The following CAMK1D variants were observed in gnomAD, a reference collection of about 807,000 sequenced individuals.
CAMK1D encodes the protein calcium/calmodulin-dependent protein kinase type 1D.
Under a neutral mutation model 47.7 loss-of-function variants are expected in CAMK1D, and 9 were observed. The observed-to-expected ratio is 0.19, with a 90% CI of 0.11 to 0.33. CAMK1D has a LOEUF of 0.33. Ranked by LOEUF, CAMK1D falls within the 10% of genes least tolerant of loss-of-function variation. The probability of loss-of-function intolerance (pLI) is 1.00; values close to 1 mark genes in which losing one functional copy is unlikely to be tolerated. For synonymous variants in CAMK1D, 184 were observed against 184.9 expected, an observed-to-expected ratio of 0.99 and a Z score of 0.04; for missense variants, 291 against 488.7, an observed-to-expected ratio of 0.60 and a Z score of 3.81.
At chr10:12,507,713 C>T (rs925421073) in intron 1 of CAMK1D, among the ~76,000 whole-genome samples, 11 of 152,184 alleles carry the variant, frequency 7.2e-5, no homozygotes, top group African/African-American at 1.7e-4. Flanking sequence ...CCCGGTCCCT[C>T]CCCTGTTTCT....
intron 6 of CAMK1D, among the ~76,000 whole-genome samples, chr10:12,813,230 T>A (rs1832674869): frequency 6.6e-6 from 1 of 152,238 alleles, no homozygotes; most frequent in South Asian, 2.1e-4. Context: ...GCCCTGCTGA[T>A]ACTTACTGCA....
In CAMK1D at chr10:12,829,448, G is replaced by A. The variant is rs1833379199; in HGVS notation, c.*561G>A. On this transcript the variant is annotated 3_prime_UTR_variant, in exon 11 of 11. Coordinates refer to ENST00000619168, the MANE Select transcript of CAMK1D (RefSeq NM_153498.4). ...GTATTTTTTAAAATTCTAATAAGAG[G>A]ATCAGCCGGGTGCAATGACTCATGC... is the stretch of plus-strand genomic sequence containing the variant. 6.6e-6 allele frequency: 1 copy of A among 152,214 alleles called. No individual in the cohort carries two copies. The highest frequency in any genetic ancestry group is 1.5e-5 in the Non-Finnish European group (1 of 68,034). 9.4% of individuals were successfully genotyped at this position (152,214 alleles called of 1,614,324 possible).
chr10:12,768,952 C>T (rs1343153260), intron 4 of CAMK1D, among the ~76,000 whole-genome samples: 1 of 152,212 alleles, frequency 6.6e-6, no homozygotes, highest in Non-Finnish European at 1.5e-5. Context: ...AAGACAGGAA[C>T]ACGGGGGCCA....
intron 1 of CAMK1D, among the ~76,000 whole-genome samples, chr10:12,488,136 G>C (rs1389221397): frequency 6.6e-6 from 1 of 152,176 alleles, no homozygotes; most frequent in Non-Finnish European, 1.5e-5. Flanking sequence ...GTACTTCACA[G>C]AGTTGGAAGT....
intron 1 of CAMK1D, among the ~76,000 whole-genome samples, chr10:12,427,959 G>C (rs546102583): frequency 1.7e-3 from 260 of 151,796 alleles, no homozygotes; most frequent in Non-Finnish European, 3.3e-3. Flanking sequence ...TCCCACCTTG[G>C]CCTGCCAAAG....
chr10:12,499,251 G>T (rs1353314420), intron 1 of CAMK1D, among the ~76,000 whole-genome samples: 1 of 152,114 alleles, frequency 6.6e-6, no homozygotes, highest in African/African-American at 2.4e-5. Context: ...AGGCTGAACT[G>T]ATGAGGTCAC....
In CAMK1D at chr10:12,705,494, A is replaced by G. The variant is rs191387560; in HGVS notation, c.299+38684A>G. On this transcript the variant is annotated intron_variant, in intron 3 of 10. Coordinates refer to ENST00000619168, the MANE Select transcript of CAMK1D (RefSeq NM_153498.4). ...GAAAAGAAAAGAAAAGAATAGAATA[A>G]TAGTGTACCATGCATCATAACAATA... Among the ~76,000 whole-genome samples the G allele has an allele frequency of 3.3e-5, 5 of 152,184 alleles. No homozygotes were observed. In the South Asian group the frequency reaches 6.2e-4, roughly 19 times the overall value.
intron 1 of CAMK1D, among the ~76,000 whole-genome samples, chr10:12,354,031 C>A (rs1837425963): frequency 6.6e-6 from 1 of 152,160 alleles, no homozygotes; most frequent in African/African-American, 2.4e-5. Context: ...GAAGTCACTT[C>A]TGCAATTTCC....
At chr10:12,417,925 C>A (rs1175424443) in intron 1 of CAMK1D, among the ~76,000 whole-genome samples, 1 of 152,088 alleles carries the variant, frequency 6.6e-6, no homozygotes, top group Non-Finnish European at 1.5e-5. Context: ...CCTCAGCCTC[C>A]CGAATAGCTG....
At chr10:12,569,206 T>A (rs1297886123) in intron 2 of CAMK1D, among the ~76,000 whole-genome samples, 1 of 152,200 alleles carries the variant, frequency 6.6e-6, no homozygotes, top group Non-Finnish European at 1.5e-5. Context: ...TTAATTTCCT[T>A]TTTTGGTAGC....
At chr10:12,605,996 T>C (rs1838448502) in intron 2 of CAMK1D, among the ~76,000 whole-genome samples, 2 of 152,182 alleles carry the variant, frequency 1.3e-5, no homozygotes, top group African/African-American at 4.8e-5. Flanking sequence ...AGAGAAGCAT[T>C]GCAAAGGTCA....
rs183030723 is a variant in CAMK1D at position 12,376,070 on chromosome 10, G to A, written c.92+26160G>A. On this transcript the variant is annotated intron_variant, in intron 1 of 10. Transcript: ENST00000619168. Reference sequence around the variant, plus strand: ...CCCAGCTACTCGGGAGGCTGAGGCCGGAGGATCACTTGAACCTGGGAGGTA... The same window carrying A: ...CCCAGCTACTCGGGAGGCTGAGGCCAGAGGATCACTTGAACCTGGGAGGTA... Among the ~76,000 whole-genome samples, 42 of 147,688 alleles carry A rather than the reference G, an allele frequency of 2.8e-4. 2 individuals are homozygous for A. The highest frequency in any genetic ancestry group is 1.3e-3 in the South Asian group (6 of 4,664).
chr10:12,751,092 AT>A (rs1242539019), intron 3 of CAMK1D, among the ~76,000 whole-genome samples: 2 of 99,274 alleles, frequency 2.0e-5, no homozygotes, highest in Non-Finnish European at 4.2e-5. Context: ...ATAAGATAAG[AT>A]AAGATAAGAT....
chr10:12,824,645 C>A, intron 9 of CAMK1D, 93 bp downstream of exon 9: 1 of 1,025,530 alleles, frequency 9.8e-7, no homozygotes, highest in Non-Finnish European at 1.5e-6. Flanking sequence ...CAGAACCTCA[C>A]CTGAATAATT....
chr10:12,477,221 G>C (rs7919218), intron 1 of CAMK1D, among the ~76,000 whole-genome samples: 4,502 of 152,182 alleles, frequency 0.03, 215 homozygotes, highest in African/African-American at 0.1. Flanking sequence ...TTCGAGTCCA[G>C]CCTGGCCAAC....
At chr10:12,467,486 T>C (rs1833627174) in intron 1 of CAMK1D, among the ~76,000 whole-genome samples, 1 of 152,128 alleles carries the variant, frequency 6.6e-6, no homozygotes, top group Non-Finnish European at 1.5e-5. Flanking sequence ...GCGACCAGGG[T>C]AACTTATGAA....
chr10:12,496,884 T>A (rs1834555454), intron 1 of CAMK1D, among the ~76,000 whole-genome samples: 1 of 152,010 alleles, frequency 6.6e-6, no homozygotes, highest in Non-Finnish European at 1.5e-5. Context: ...ATGCTCTCCT[T>A]CCCCCCACAG....
intron 2 of CAMK1D, among the ~76,000 whole-genome samples, chr10:12,649,249 A>G (rs2132505872): frequency 6.6e-6 from 1 of 152,370 alleles, no homozygotes; most frequent in African/African-American, 2.4e-5. Flanking sequence ...AAAGTTCATT[A>G]CCTTGACTCT....
At chr10:12,417,116 C>A (rs532150547) in intron 1 of CAMK1D, among the ~76,000 whole-genome samples, 1 of 152,246 alleles carries the variant, frequency 6.6e-6, no homozygotes, top group East Asian at 1.9e-4. Flanking sequence ...CATAGAACAT[C>A]CATGGGAGGA....
Sources: allele counts gnomAD v4.1 joint callset (sites outside exome capture counted in the v4.1 genomes callset), GRCh38; gene constraint gnomAD v4.1.1; transcripts MANE v1.5; gene names NCBI Gene and HGNC (gene_info 2026-07-23, HGNC 2026-07-21).